The following REEP3 variants were observed in gnomAD, a reference collection of about 807,000 sequenced individuals.
REEP3 encodes the protein receptor accessory protein 3, also known as receptor expression-enhancing protein 3.
Under a neutral mutation model 41.3 loss-of-function variants are expected in REEP3, and 20 were observed. The ratio of observed to expected loss-of-function variants is 0.48; its 90% CI spans 0.34 to 0.70. The LOEUF (loss-of-function observed/expected upper bound fraction) is 0.70, where lower values mean the gene tolerates loss of function less well. Ranked by LOEUF, REEP3 falls within the 30% of genes least tolerant of loss-of-function variation. REEP3 has a pLI of 0.01. For missense variants in REEP3, 271 were observed against 308.8 expected (o/e 0.88, Z 0.92); for synonymous variants, 104 against 101.8 (o/e 1.02, Z -0.13).
chr10:63,541,131 CAA>C (rs1955524342), intron 1 of REEP3, among the ~76,000 whole-genome samples: 1 of 152,086 alleles, frequency 6.6e-6, no homozygotes, highest in East Asian at 1.9e-4. Context: ...ACTTTTTAAA[CAA>C]ATAAAATAAT....
intron 3 of REEP3, among the ~76,000 whole-genome samples, chr10:63,595,982 C>A (rs1291729518): frequency 6.6e-6 from 1 of 152,156 alleles, no homozygotes; most frequent in African/African-American, 2.4e-5. Flanking sequence ...TTTTTACTTG[C>A]TCCTGGTCAG....
At position 63,611,326 on chromosome 10, in the gene REEP3, T is replaced by G. The variant is rs560946807; in HGVS notation, c.565+992T>G. ...CAAATAAGGATATTGACTCACAGAT[T>G]AAAAGTTTTAAGCACGTGATAAAAG... On this transcript the variant is annotated intron_variant, in intron 6 of 7. Coordinates refer to ENST00000373758, the MANE Select transcript of REEP3 (RefSeq NM_001001330.3). 4.6e-5 allele frequency among the ~76,000 whole-genome samples: 7 copies of G among 152,320 alleles called. 1 individual carries two copies. In the South Asian group the frequency reaches 6.2e-4, roughly 14 times the overall value.
At chr10:63,563,014 C>T in intron 1 of REEP3, 1 of 456,414 alleles carries the variant, frequency 2.2e-6, no homozygotes, top group Non-Finnish European at 4.4e-6. Flanking sequence ...AGAGATTAGG[C>T]CACACACACA....
intron 4 of REEP3, 46 bp downstream of exon 4, chr10:63,598,190 T>A: frequency 7.1e-7 from 1 of 1,405,560 alleles, no homozygotes; most frequent in Non-Finnish European, 9.7e-7. Flanking sequence ...TAGAAATGCC[T>A]AAGCGGAGGC....
At chr10:63,601,113 C>T (rs1187935708) in intron 5 of REEP3, among the ~76,000 whole-genome samples, 1 of 151,912 alleles carries the variant, frequency 6.6e-6, no homozygotes. Context: ...AAGATCACAC[C>T]ACTATACTCC....
chr10:63,610,541 C>T (rs1374385966), intron 6 of REEP3, among the ~76,000 whole-genome samples: 4 of 151,808 alleles, frequency 2.6e-5, no homozygotes, highest in Non-Finnish European at 4.4e-5. Flanking sequence ...AACAAACCTG[C>T]GCATTCTGCA....
intron 1 of REEP3, among the ~76,000 whole-genome samples, chr10:63,542,860 G>GGTAC (rs1278315112): frequency 6.6e-6 from 1 of 152,130 alleles, no homozygotes; most frequent in African/African-American, 2.4e-5. Context: ...GTCTAACTTA[G>GGTAC]GTACGACCTC....
In REEP3 at chr10:63,599,191, C is replaced by A; in HGVS notation, c.325C>A (p.Gln109Lys). Residue 109 changes from glutamine to lysine, a missense_variant, in exon 5 of 8, where the codon CAA becomes AAA. Transcript: ENST00000373758. ...KEREIDDYIV[Q>K]AKERGYETMV... ...CCAGGAGATTGATGATTATATTGTA[C>A]AAGCAAAGGAACGAGGCTATGAAAC... 1 of 1,584,566 alleles carries A rather than the reference C, an allele frequency of 6.3e-7. No individual in the cohort carries two copies. The highest frequency in any genetic ancestry group is 8.6e-7 in the Non-Finnish European group (1 of 1,167,300).
At chr10:63,597,378 C>T (rs909252950) in intron 3 of REEP3, among the ~76,000 whole-genome samples, 1 of 152,206 alleles carries the variant, frequency 6.6e-6, no homozygotes, top group Non-Finnish European at 1.5e-5. Context: ...TCATGTACTT[C>T]CATGCCAGTT....
chr10:63,538,916 A>G (rs1376221102), intron 1 of REEP3, among the ~76,000 whole-genome samples: 2 of 152,166 alleles, frequency 1.3e-5, no homozygotes, highest in Middle Eastern at 3.4e-3. Context: ...TTGTCATTCC[A>G]TGTGCTGTGC....
chr10:63,542,822 A>G (rs1179693658), intron 1 of REEP3, among the ~76,000 whole-genome samples: 1 of 152,194 alleles, frequency 6.6e-6, no homozygotes, highest in Non-Finnish European at 1.5e-5. Flanking sequence ...GTTTGACCGT[A>G]AGTCTAATAG....
At chr10:63,562,242 T>A (rs771419813) in intron 1 of REEP3, among the ~76,000 whole-genome samples, 17 of 151,566 alleles carry the variant, frequency 1.1e-4, no homozygotes, top group Non-Finnish European at 1.8e-4. Flanking sequence ...GTAATATTGT[T>A]AAATAAGGCA....
At chr10:63,583,346 C>T (rs1274588458) in intron 2 of REEP3, among the ~76,000 whole-genome samples, 2 of 152,202 alleles carry the variant, frequency 1.3e-5, no homozygotes, top group East Asian at 3.9e-4. Flanking sequence ...TGTGGTCCTA[C>T]TATTATAAGG....
intron 1 of REEP3, among the ~76,000 whole-genome samples, chr10:63,560,451 C>T (rs1455391692): frequency 6.6e-6 from 1 of 152,030 alleles, no homozygotes; most frequent in Non-Finnish European, 1.5e-5. Flanking sequence ...AAGTATTTTC[C>T]GTATCTGAAA....
At position 63,526,076 on chromosome 10, in the gene REEP3, T is replaced by TTGA. The variant is rs1347407566; in HGVS notation, c.32+4500_32+4502dup. Among the ~76,000 whole-genome samples, 8 of 152,362 alleles carry TTGA rather than the reference T, an allele frequency of 5.3e-5. No homozygotes were observed. In the South Asian group the frequency reaches 1.4e-3, roughly 28 times the overall value. On this transcript the variant is annotated intron_variant, in intron 1 of 7. Coordinates refer to ENST00000373758, the MANE Select transcript of REEP3 (RefSeq NM_001001330.3). ...CCTAAAATCCCAGCATGCTGAATGTTTGAAGTATCTTCAATATACATTTTT... is the reference window on the plus strand; with the variant it reads ...CCTAAAATCCCAGCATGCTGAATGTTTGATGAAGTATCTTCAATATACATTTTT...
intron 1 of REEP3, among the ~76,000 whole-genome samples, chr10:63,565,886 C>CTTTT (rs372856366): frequency 5.1e-5 from 7 of 137,034 alleles, no homozygotes; most frequent in Non-Finnish European, 6.2e-5. Context: ...TTTAAATCAT[C>CTTTT]TTTTTTTTTT....
At chr10:63,565,680 G>A (rs1346872145) in intron 1 of REEP3, among the ~76,000 whole-genome samples, 1 of 152,122 alleles carries the variant, frequency 6.6e-6, no homozygotes, top group Non-Finnish European at 1.5e-5. Flanking sequence ...GGATTTGTGT[G>A]CAATAAGATA....
intron 1 of REEP3, among the ~76,000 whole-genome samples, chr10:63,533,222 C>T (rs1021979632): frequency 1.3e-5 from 2 of 152,194 alleles, no homozygotes; most frequent in African/African-American, 4.8e-5. Flanking sequence ...GTGGAATGCA[C>T]TTTCACCAAA....
chr10:63,527,065 T>G (rs1955371591), intron 1 of REEP3, among the ~76,000 whole-genome samples: 1 of 152,146 alleles, frequency 6.6e-6, no homozygotes, highest in Admixed American at 6.5e-5. Context: ...TACATTTTTG[T>G]TTTACCTTAG....
Sources: allele counts gnomAD v4.1 joint callset (sites outside exome capture counted in the v4.1 genomes callset), GRCh38; gene constraint gnomAD v4.1.1; transcripts MANE v1.5; gene names NCBI Gene and HGNC (gene_info 2026-07-23, HGNC 2026-07-21).